RBMS3: variants seen among roughly 807,000 people sequenced by gnomAD.
The protein encoded by RBMS3 is RNA-binding motif, single-stranded-interacting protein 3.
RBMS3 carries 27 observed loss-of-function variants against 66.8 expected under a neutral mutation model. The ratio of observed to expected loss-of-function variants is 0.40; its 90% CI spans 0.30 to 0.56. The LOEUF is 0.56. RBMS3 is among the 20% of genes least tolerant of loss of function. RBMS3 has a pLI of 0.40. For synonymous variants in RBMS3, 188 were observed against 183.0 expected (o/e 1.03, Z -0.22); for missense variants, 513 against 549.5 (o/e 0.93, Z 0.66).
Position 29,284,741 on chromosome 3 carries a change from A to G in RBMS3, c.75+2985A>G, listed in dbSNP as rs1020030646. Among the ~76,000 whole-genome samples, 7 of 152,180 alleles carry G rather than the reference A, an allele frequency of 4.6e-5. 1 individual carries two copies. Among genetic ancestry groups the G allele is most frequent in the South Asian group, 4.1e-4 (2 of 4,828 alleles). On this transcript the variant is annotated intron_variant, in intron 1 of 14. Coordinates refer to ENST00000383767, the MANE Select transcript of RBMS3 (RefSeq NM_001003793.3). ...AAAAATATACATGTAAGTTAAGATG[A>G]AAACCCAGTGGCTGACTCATATCTA... is the stretch of plus-strand genomic sequence containing the variant.
intron 4 of RBMS3, among the ~76,000 whole-genome samples, chr3:29,695,263 T>C (rs1055158253): frequency 1.3e-5 from 2 of 152,176 alleles, no homozygotes; most frequent in Non-Finnish European, 2.9e-5. Flanking sequence ...TAAAATGGTA[T>C]GAATTCAGGT....
chr3:29,391,450 T>C (rs984004668), intron 1 of RBMS3, among the ~76,000 whole-genome samples: 10 of 152,114 alleles, frequency 6.6e-5, no homozygotes, highest in African/African-American at 2.4e-4. Context: ...ATCAAATTTG[T>C]GTGACAAACT....
chr3:29,830,697 G>A (rs1349373436), intron 6 of RBMS3, among the ~76,000 whole-genome samples: 4 of 152,088 alleles, frequency 2.6e-5, no homozygotes, highest in African/African-American at 9.7e-5. Flanking sequence ...TACTCAGACA[G>A]TAGAAGTTTT....
intron 6 of RBMS3, among the ~76,000 whole-genome samples, chr3:29,801,272 C>CTTTTTTTTTTTTTTTTTTTTTT (rs200997680): frequency 1.0e-4 from 13 of 129,472 alleles, no homozygotes; most frequent in Non-Finnish European, 1.6e-4. Flanking sequence ...TGCTTTTTTT[C>CTTTTTTTTTTTTTTTTTTTTTT]TTTTTTTTTT....
intron 8 of RBMS3, 29 bp downstream of exon 8, chr3:29,884,237 AT>A (rs1237147329): frequency 6.3e-7 from 1 of 1,577,704 alleles, no homozygotes; most frequent in Non-Finnish European, 8.7e-7. Context: ...CTCTATTTTA[AT>A]TGTGAATAGA....
At chr3:29,718,235 TA>T (rs2053490223) in intron 4 of RBMS3, among the ~76,000 whole-genome samples, 1 of 152,154 alleles carries the variant, frequency 6.6e-6, no homozygotes. Flanking sequence ...ATCATTTTCC[TA>T]TGTAGACTTT....
At chr3:29,645,316 C>T (rs564655361) in intron 4 of RBMS3, among the ~76,000 whole-genome samples, 22 of 152,304 alleles carry the variant, frequency 1.4e-4, no homozygotes, top group African/African-American at 5.3e-4. Context: ...TTTCTCTGTT[C>T]AAATTAATAT....
intron 6 of RBMS3, among the ~76,000 whole-genome samples, chr3:29,840,895 A>G (rs901597173): frequency 2.6e-5 from 4 of 151,974 alleles, no homozygotes; most frequent in African/African-American, 9.7e-5. Flanking sequence ...TCCAGGGTTA[A>G]AAGTTATGCA....
chr3:29,754,922 C>T (rs368420378), intron 5 of RBMS3, among the ~76,000 whole-genome samples: 74 of 152,258 alleles, frequency 4.9e-4, no homozygotes, highest in African/African-American at 1.7e-3. Flanking sequence ...CATGGCTACT[C>T]AGGGGAGAGA....
chr3:29,518,984 G>T (rs981262973), intron 3 of RBMS3, among the ~76,000 whole-genome samples: 3 of 152,184 alleles, frequency 2.0e-5, no homozygotes, highest in African/African-American at 7.2e-5. Context: ...TGAACCATTT[G>T]AAGGAAAGTA....
intron 14 of RBMS3, among the ~76,000 whole-genome samples, chr3:29,999,096 G>A (rs1406178215): frequency 6.6e-6 from 1 of 151,824 alleles, no homozygotes; most frequent in Non-Finnish European, 1.5e-5. Context: ...TCAAAAAGTG[G>A]GCAAAGAATA....
intron 4 of RBMS3, among the ~76,000 whole-genome samples, chr3:29,617,264 G>T (rs998983658): frequency 2.0e-5 from 3 of 152,274 alleles, no homozygotes; most frequent in Admixed American, 2.0e-4. Context: ...TCATTTTTGT[G>T]ACTTGTAAAA....
intron 1 of RBMS3, among the ~76,000 whole-genome samples, chr3:29,285,685 G>A (rs1476485365): frequency 6.6e-6 from 1 of 152,090 alleles, no homozygotes; most frequent in Non-Finnish European, 1.5e-5. Context: ...GGTGTAAGAA[G>A]TAGTTAATCA....
At chr3:29,452,911 G>C (rs915713972) in intron 2 of RBMS3, among the ~76,000 whole-genome samples, 1 of 152,164 alleles carries the variant, frequency 6.6e-6, no homozygotes, top group Non-Finnish European at 1.5e-5. Context: ...AAGTATGCTT[G>C]AATATACATT....
chr3:29,360,468 T>G (rs1220069886), intron 1 of RBMS3, among the ~76,000 whole-genome samples: 1 of 152,058 alleles, frequency 6.6e-6, no homozygotes, highest in African/African-American at 2.4e-5. Context: ...TACTTCCAAC[T>G]ATGTGGTCAA....
Position 29,281,521 on chromosome 3 carries a change from T to G in RBMS3, c.-161T>G. ...TGTGTTTTTTGTTTTGTTTTGTTTT[T>G]TAAAAAAATTCTTGCTGTGTTGGAA... On this transcript the variant is annotated 5_prime_UTR_variant, in exon 1 of 15. Coordinates refer to ENST00000383767, the MANE Select transcript of RBMS3 (RefSeq NM_001003793.3). 4.9e-6 allele frequency: 3 copies of G among 615,094 alleles called. No individual in the cohort carries two copies. Among genetic ancestry groups the G allele is most frequent in the Non-Finnish European group, 8.6e-6 (3 of 347,602 alleles). The allele number at this position is 615,094 out of a possible 1,614,324, so 38.1% of individuals were successfully genotyped here. A position where few individuals can be genotyped will look rare whatever the true frequency, so the allele number is the denominator to read the frequency against.
intron 5 of RBMS3, among the ~76,000 whole-genome samples, chr3:29,757,443 A>G (rs898170118): frequency 4.6e-5 from 7 of 152,160 alleles, no homozygotes; most frequent in Admixed American, 6.5e-5. Context: ...CAAATAAAAC[A>G]TACCTGTAGA....
rs377758267 is a variant in RBMS3 at position 29,739,435 on chromosome 3, T to G, written c.400-285T>G. ...CGCGCCACTGCACTCCAGCCTGGGC[T>G]ACAGAGCGAGACTCCGTCTCAAGAA... On this transcript the variant is annotated intron_variant, in intron 4 of 14. Coordinates refer to ENST00000383767, the MANE Select transcript of RBMS3 (RefSeq NM_001003793.3). 9.4e-3 allele frequency among the ~76,000 whole-genome samples: 1,275 copies of G among 135,762 alleles called. 13 individuals carry two copies. Among genetic ancestry groups the G allele is most frequent in the Middle Eastern group, 0.049 (11 of 224 alleles). The allele number at this position is 135,762 out of a possible 152,430, so 89.1% of individuals were successfully genotyped here.
chr3:29,997,080 G>C (rs1432101639), intron 14 of RBMS3, among the ~76,000 whole-genome samples: 2 of 151,468 alleles, frequency 1.3e-5, no homozygotes, highest in Non-Finnish European at 2.9e-5. Flanking sequence ...AAATGATAAA[G>C]GGGATATCAC....
Sources: gnomAD v4.1 joint callset for allele counts (sites outside exome capture counted in the v4.1 genomes callset) on GRCh38, gnomAD v4.1.1 for gene constraint, MANE v1.5 for transcripts, NCBI Gene and HGNC (gene_info 2026-07-23, HGNC 2026-07-21) for gene names.